The following EPM2A variants were observed in gnomAD, a reference collection of about 807,000 sequenced individuals.
The protein encoded by EPM2A is EPM2A glucan phosphatase, laforin.
In EPM2A, 21 loss-of-function variants were observed where a neutral mutation model predicts 26.5. That is an observed-to-expected ratio of 0.79 (90% CI 0.56 to 1.14). The LOEUF (loss-of-function observed/expected upper bound fraction) is 1.14. Among genes scored for constraint, EPM2A ranks in the 50% most tolerant of loss-of-function variants. EPM2A has a pLI of 0.00. For missense variants in EPM2A, 458 were observed against 440.8 expected, an observed-to-expected ratio of 1.04 and a Z score of -0.35; for synonymous variants, 217 against 177.6, an observed-to-expected ratio of 1.22 and a Z score of -1.76.
At chr6:145,395,960 A>G (rs2039696) in intron 4 of EPM2A, among the ~76,000 whole-genome samples, 57,022 of 151,922 alleles carry the variant, frequency 0.38, 10,958 homozygotes, top group South Asian at 0.45. Context: ...CCTGTCCACT[A>G]GCCACATATA....
chr6:145,491,402 A>G (rs147682867), intron 4 of EPM2A, among the ~76,000 whole-genome samples: 1 of 151,050 alleles, frequency 6.6e-6, no homozygotes, highest in African/African-American at 2.4e-5. Context: ...GGCCCTGTGG[A>G]CTCCATATCT....
intron 4 of EPM2A, among the ~76,000 whole-genome samples, chr6:145,410,940 C>A (rs563469170): frequency 6.6e-6 from 1 of 152,308 alleles, no homozygotes; most frequent in Admixed American, 6.5e-5. Context: ...TTTCACACAG[C>A]TTTAGCAGAT....
intron 2 of EPM2A, among the ~76,000 whole-genome samples, chr6:145,649,926 G>A (rs776437107): frequency 6.6e-6 from 1 of 152,182 alleles, no homozygotes; most frequent in Non-Finnish European, 1.5e-5. Flanking sequence ...CCCATAGTAA[G>A]TTAATCATCA....
chr6:145,612,185 G>A (rs1345652496), intron 2 of EPM2A, among the ~76,000 whole-genome samples: 1 of 152,096 alleles, frequency 6.6e-6, no homozygotes, highest in Non-Finnish European at 1.5e-5. Context: ...TATTATGCAA[G>A]TGCTATAACA....
At chr6:145,538,931 C>A (rs1263757397) in intron 2 of EPM2A, among the ~76,000 whole-genome samples, 2 of 152,166 alleles carry the variant, frequency 1.3e-5, no homozygotes, top group African/African-American at 4.8e-5. Flanking sequence ...AGCTTTTGTT[C>A]CATGTACCAG....
intron 2 of EPM2A, among the ~76,000 whole-genome samples, chr6:145,611,051 G>T (rs1414781827): frequency 6.6e-6 from 1 of 151,978 alleles, no homozygotes; most frequent in Admixed American, 6.6e-5. Flanking sequence ...CTAAGATTTA[G>T]ATTTAATTTA....
intron 2 of EPM2A, chr6:145,638,233 T>G (rs1776841383): frequency 6.6e-6 from 1 of 152,176 alleles, no homozygotes; most frequent in Non-Finnish European, 1.5e-5. Flanking sequence ...GGCTGGCTGA[T>G]TTTTCACACA....
chr6:145,392,091 A>G (rs1165954567), intron 4 of EPM2A, among the ~76,000 whole-genome samples: 1 of 152,198 alleles, frequency 6.6e-6, no homozygotes, highest in Non-Finnish European at 1.5e-5. Flanking sequence ...TCTTTTGAAT[A>G]TTTGAGATCC....
At chr6:145,489,706 T>A in intron 4 of EPM2A, 1 of 1,427,496 alleles carries the variant, frequency 7.0e-7, no homozygotes, top group Admixed American at 1.7e-5. Context: ...TGGCTTGCTC[T>A]CTAATCCTCA....
At chr6:145,718,940 C>A (rs991119171) in intron 1 of EPM2A, among the ~76,000 whole-genome samples, 1 of 152,152 alleles carries the variant, frequency 6.6e-6, no homozygotes, top group African/African-American at 2.4e-5. Flanking sequence ...CTCACACCAG[C>A]TACAATGGCA....
chr6:145,432,582 A>G (rs1002325817), intron 4 of EPM2A, among the ~76,000 whole-genome samples: 13 of 150,852 alleles, frequency 8.6e-5, no homozygotes, highest in Non-Finnish European at 8.8e-5. Context: ...GTTCTGTCTT[A>G]CAAGCTTTCT....
chr6:145,600,325 T>C (rs1781400889), intron 2 of EPM2A, among the ~76,000 whole-genome samples: 1 of 152,204 alleles, frequency 6.6e-6, no homozygotes, highest in South Asian at 2.1e-4. Flanking sequence ...CCTAGTTCTC[T>C]CTTATTTCCA....
At chr6:145,575,484 G>A (rs778961764) in intron 2 of EPM2A, among the ~76,000 whole-genome samples, 5 of 152,134 alleles carry the variant, frequency 3.3e-5, no homozygotes, top group Non-Finnish European at 7.4e-5. Flanking sequence ...CTCTCACTCA[G>A]GGCAATCTTA....
chr6:145,530,963 A>C (rs1001681290), intron 2 of EPM2A, among the ~76,000 whole-genome samples: 1 of 152,104 alleles, frequency 6.6e-6, no homozygotes, highest in African/African-American at 2.4e-5. Context: ...TATATAACTA[A>C]ATCTTTCCTT....
chr6:145,613,471 A>T (rs1378336923), intron 2 of EPM2A, among the ~76,000 whole-genome samples: 1 of 152,188 alleles, frequency 6.6e-6, no homozygotes, highest in Non-Finnish European at 1.5e-5. Flanking sequence ...AGGATGATGA[A>T]TCTTTTCAAG....
chr6:145,405,254 T>C (rs1433113503), intron 4 of EPM2A, among the ~76,000 whole-genome samples: 2 of 152,184 alleles, frequency 1.3e-5, no homozygotes, highest in Non-Finnish European at 2.9e-5. Flanking sequence ...AATTTTTATA[T>C]ACAAGTTGTT....
At chr6:145,480,459 A>C (rs2114732849) in intron 4 of EPM2A, among the ~76,000 whole-genome samples, 1 of 152,200 alleles carries the variant, frequency 6.6e-6, no homozygotes, top group Admixed American at 6.6e-5. Flanking sequence ...AGGAACACAA[A>C]CCCAAATCTT....
intron 2 of EPM2A, among the ~76,000 whole-genome samples, chr6:145,662,807 G>A (rs1005827144): frequency 3.3e-5 from 5 of 152,184 alleles, no homozygotes; most frequent in Middle Eastern, 3.4e-3. Context: ...GACTTAGCTG[G>A]GTTCTTTGCT....
chr6:145,405,702 A>T (rs989966152), intron 4 of EPM2A, among the ~76,000 whole-genome samples: 13 of 152,302 alleles, frequency 8.5e-5, no homozygotes, highest in Non-Finnish European at 1.6e-4. Context: ...TTTGATGTCA[A>T]CTTATAAACT....
Sources: allele counts gnomAD v4.1 joint callset (sites outside exome capture counted in the v4.1 genomes callset), GRCh38; gene constraint gnomAD v4.1.1; transcripts MANE v1.5; gene names NCBI Gene and HGNC (gene_info 2026-07-23, HGNC 2026-07-21).